Variants in ADAM23 observed in about 807,000 individuals in gnomAD.
ADAM23 encodes ADAM metallopeptidase domain 23, also known as disintegrin and metalloproteinase domain-containing protein 23.
A neutral mutation model predicts 120.1 loss-of-function variants in ADAM23; 33 were observed. The ratio of observed to expected loss-of-function variants is 0.27; its 90% confidence interval spans 0.21 to 0.37. The LOEUF is 0.37. Ranked by LOEUF, ADAM23 falls within the 10% of genes least tolerant of loss-of-function variation. The probability of loss-of-function intolerance (pLI) is 1.00; values close to 1 mark genes in which losing one functional copy is unlikely to be tolerated. For missense variants in ADAM23, 862 were observed against 1,058.2 expected, an observed-to-expected ratio of 0.81 and a Z score of 2.57; for synonymous variants, 367 against 375.2, an observed-to-expected ratio of 0.98 and a Z score of 0.25.
intron 24 of ADAM23, among the ~76,000 whole-genome samples, chr2:206,604,916 G>A (rs964034595): frequency 2.0e-5 from 3 of 152,178 alleles, no homozygotes; most frequent in African/African-American, 7.2e-5. Context: ...TAAAGTGTAT[G>A]TATGTCCACA....
Position 206,564,180 on chromosome 2 carries a change from C to A in ADAM23, c.1346-840C>A, listed in dbSNP as rs150228587. Among the ~76,000 whole-genome samples, 77 of 151,884 alleles carry A rather than the reference C, an allele frequency of 5.1e-4. 1 individual carries two copies. The highest frequency in any genetic ancestry group is 3.4e-3 in the Middle Eastern group (1 of 292). ...TATATAGATAGATGTATACCTCTCT[C>A]TATATATATACGTTGATATATATTG... On this transcript the variant is annotated intron_variant, in intron 13 of 25. Transcript: ENST00000264377.
At chr2:206,567,140 G>T in intron 14 of ADAM23, 83 bp from the exon 15 acceptor site, 3 of 1,057,566 alleles carry the variant, frequency 2.8e-6, no homozygotes. Flanking sequence ...TGAACATTTT[G>T]TTCTAATTTA....
intron 3 of ADAM23, among the ~76,000 whole-genome samples, chr2:206,490,049 G>T (rs1193678073): frequency 6.6e-6 from 1 of 152,078 alleles, no homozygotes; most frequent in Non-Finnish European, 1.5e-5. Flanking sequence ...TCTTTAAAAA[G>T]GTAATTAAGT....
intron 16 of ADAM23, among the ~76,000 whole-genome samples, chr2:206,571,276 C>T (rs1697992819): frequency 1.3e-5 from 2 of 151,352 alleles, no homozygotes; most frequent in Non-Finnish European, 2.9e-5. Context: ...GAGATAGAGA[C>T]CATCCTGGCT....
chr2:206,598,554 G>A (rs1660898587), intron 24 of ADAM23, among the ~76,000 whole-genome samples: 2 of 152,058 alleles, frequency 1.3e-5, no homozygotes, highest in Admixed American at 1.3e-4. Context: ...CATACTTATT[G>A]TAGAAAAATT....
chr2:206,567,880 ATCT>A (rs1230336387), intron 15 of ADAM23, among the ~76,000 whole-genome samples: 2 of 152,210 alleles, frequency 1.3e-5, no homozygotes, highest in Non-Finnish European at 2.9e-5. Flanking sequence ...GGAAGCAGGC[ATCT>A]TCTTCACAAG....
intron 3 of ADAM23, among the ~76,000 whole-genome samples, chr2:206,525,855 G>T: frequency 6.6e-6 from 1 of 152,062 alleles, no homozygotes; most frequent in East Asian, 1.9e-4. Context: ...CTCCCAAAAT[G>T]CTGAGATTAT....
In ADAM23 at chr2:206,448,054, G is replaced by A. The variant is rs149393812; in HGVS notation, c.432+2530G>A. Among the ~76,000 whole-genome samples the A allele has an allele frequency of 5.8e-4, 89 of 152,340 alleles. 1 individual carries two copies. The highest frequency in any genetic ancestry group is 2.0e-3 in the African/African-American group (85 of 41,574). ...GCAAACCACCTCTTTGCATCCTAATGTTTCTGAATGCCTTAATGTTTCTTT... is the reference window on the plus strand; with the variant it reads ...GCAAACCACCTCTTTGCATCCTAATATTTCTGAATGCCTTAATGTTTCTTT... On this transcript the variant is annotated intron_variant, in intron 2 of 25. Transcript: ENST00000264377.
At position 206,562,313 on chromosome 2, in the gene ADAM23, T is replaced by TA; in HGVS notation, c.1345+21dup. ...AGCCAAGTATGTACACTGACCTTCT[T>TA]ACTCATTTTCATGTGCCATTCTGTC... is the stretch of plus-strand genomic sequence containing the variant. On this transcript the variant is annotated intron_variant, in intron 13 of 25. Transcript: ENST00000264377. The TA allele has an allele frequency of 1.9e-6, 3 of 1,593,582 alleles. No individual in the cohort carries two copies.
At chr2:206,459,351 C>T (rs1695365638) in intron 2 of ADAM23, among the ~76,000 whole-genome samples, 1 of 152,066 alleles carries the variant, frequency 6.6e-6, no homozygotes, top group Non-Finnish European at 1.5e-5. Context: ...TAACTATATC[C>T]TTATTTATTC....
chr2:206,576,972 C>A (rs1332069560), intron 18 of ADAM23, among the ~76,000 whole-genome samples: 2 of 152,088 alleles, frequency 1.3e-5, no homozygotes, highest in Non-Finnish European at 2.9e-5. Context: ...ACTATTGAAG[C>A]CTGCCTGCCT....
chr2:206,447,439 G>C (rs992465594), intron 2 of ADAM23, among the ~76,000 whole-genome samples: 18 of 152,344 alleles, frequency 1.2e-4, no homozygotes, highest in African/African-American at 4.3e-4. Context: ...CTATCCTCCA[G>C]GAGGCAGGAA....
chr2:206,465,688 T>C (rs1378382684), intron 2 of ADAM23, among the ~76,000 whole-genome samples: 2 of 152,190 alleles, frequency 1.3e-5, no homozygotes, highest in African/African-American at 4.8e-5. Flanking sequence ...AATATAAAAT[T>C]GTAAAAATTG....
At chr2:206,479,450 A>G (rs1402452269) in intron 2 of ADAM23, among the ~76,000 whole-genome samples, 4 of 152,328 alleles carry the variant, frequency 2.6e-5, no homozygotes, top group South Asian at 2.1e-4. Flanking sequence ...AAGAGAAACT[A>G]TACTTAAGGA....
intron 3 of ADAM23, among the ~76,000 whole-genome samples, chr2:206,494,847 G>A (rs994922188): frequency 2.6e-5 from 4 of 152,106 alleles, no homozygotes; most frequent in South Asian, 2.1e-4. Flanking sequence ...ACTATGTGAC[G>A]AATGCACAAG....
chr2:206,586,679 T>C (rs1004128970), intron 18 of ADAM23, among the ~76,000 whole-genome samples: 1 of 152,186 alleles, frequency 6.6e-6, no homozygotes. Flanking sequence ...CTCTTAAATG[T>C]AGTCAATAAA....
At chr2:206,505,706 AC>A (rs1281973044) in intron 3 of ADAM23, among the ~76,000 whole-genome samples, 5 of 152,202 alleles carry the variant, frequency 3.3e-5, no homozygotes, top group African/African-American at 1.2e-4. Flanking sequence ...CCTACCTTCA[AC>A]ATTGGGGATT....
intron 2 of ADAM23, among the ~76,000 whole-genome samples, chr2:206,477,878 G>A (rs1574487746): frequency 4.4e-5 from 1 of 22,722 alleles, no homozygotes; most frequent in African/African-American, 2.3e-4. Context: ...CCAATATTCT[G>A]TTAAAAAAAA....
At chr2:206,589,261 TACC>T (rs1315340820) in intron 20 of ADAM23, 145 bp from the exon 21 acceptor site, 2 of 595,544 alleles carry the variant, frequency 3.4e-6, no homozygotes, top group African/African-American at 3.7e-5. Flanking sequence ...GGAGAATTTA[TACC>T]ATGGAAACTT....
Sources: allele counts gnomAD v4.1 joint callset (sites outside exome capture counted in the v4.1 genomes callset), GRCh38; gene constraint gnomAD v4.1.1; transcripts MANE v1.5; gene names NCBI Gene and HGNC (gene_info 2026-07-23, HGNC 2026-07-21).